The following PSG8 variants were observed in gnomAD, a reference collection of about 807,000 sequenced individuals.
PSG8 encodes pregnancy specific beta-1-glycoprotein 8.
PSG8 carries 57 observed loss-of-function variants against 42.5 expected under a neutral mutation model. The observed-to-expected ratio is 1.34, with a 90% CI of 1.08 to 1.67. The LOEUF is 1.67. PSG8 is among the 40% of genes most tolerant of loss of function. The pLI is 0.00. For synonymous variants in PSG8, 280 were observed against 196.8 expected, an observed-to-expected ratio of 1.42 and a Z score of -3.54; for missense variants, 783 against 518.6, an observed-to-expected ratio of 1.51 and a Z score of -4.95.
chr19:42,754,496 T>C lies in PSG8; in HGVS notation c.1080A>G (p.Pro360=), dbSNP rs1969863183. The C allele has an allele frequency of 1.2e-6, 2 of 1,613,634 alleles. No homozygotes were observed. The highest frequency in any genetic ancestry group is 1.7e-6 in the Non-Finnish European group (2 of 1,179,848). The stretch of plus-strand genomic sequence containing the variant: ...TAATTGTCCAAGAATACTGTGCCGG[T>C]GGGTTAGAGTCCGCAGAACAGGACA... ...LYLSCSADSN[P]PAQYSWTING... Residue 360 remains proline, a synonymous_variant, in exon 5 of 5, where the codon CCA becomes CCG. Transcript: ENST00000306511.
downstream of PSG8, chr19:42,753,418 T>A: frequency 1.3e-6 from 1 of 777,774 alleles, no homozygotes; most frequent in Non-Finnish European, 2.4e-6. Flanking sequence ...TGAACAGAGA[T>A]GCAATCTCAT....
Position 42,765,661 on chromosome 19 carries a change from G to A in PSG8, c.-80C>T. The A allele has an allele frequency of 6.4e-7, 1 of 1,563,996 alleles. No individual in the cohort carries two copies. Among genetic ancestry groups the A allele is most frequent in the Non-Finnish European group, 8.7e-7 (1 of 1,146,918 alleles). On this transcript the variant is annotated 5_prime_UTR_variant, in exon 1 of 5. Coordinates refer to ENST00000306511, the MANE Select transcript of PSG8 (RefSeq NM_182707.3). ...CTTCCTGAGCACAGCTCTCAGCAGT[G>A]CTGTCCTGCCTCCTTCTGCGCTGAG...
At chr19:42,754,835 C>A (rs996060344) in intron 4 of PSG8, 153 bp downstream of exon 4, 2 of 1,499,824 alleles carry the variant, frequency 1.3e-6, no homozygotes, top group East Asian at 2.3e-5. Flanking sequence ...CTGTGCCTAC[C>A]CAGGTTTTCC....
intron 2 of PSG8, among the ~76,000 whole-genome samples, chr19:42,759,946 AG>A (rs1970031466): frequency 6.6e-6 from 1 of 152,184 alleles, no homozygotes; most frequent in African/African-American, 2.4e-5. Context: ...TCCCGTTAAA[AG>A]GACCGAACTG....
rs79378816 is a variant in PSG8 at position 42,764,001 on chromosome 19, T to C, written c.345A>G (p.Glu115=). Residue 115 remains glutamate (E), a synonymous_variant, in exon 2 of 5, where the codon GAA becomes GAG. Coordinates refer to ENST00000306511, the MANE Select transcript of PSG8 (RefSeq NM_182707.3). ...ASLLIQNVTQ[E]DAGSYTLHII... ...TGTGTAAGGTGTAGGATCCTGCGTCTTCCTGGGTGACATTCTGGATCAGCA... is the reference window on the plus strand; with the variant it reads ...TGTGTAAGGTGTAGGATCCTGCGTCCTCCTGGGTGACATTCTGGATCAGCA... 5.6e-3 allele frequency: 9,008 copies of C among 1,612,122 alleles called. 438 individuals carry two copies. The African/African-American group carries it at 0.11, about 19-fold the overall frequency.
chr19:42,765,560 G>C lies in PSG8; in HGVS notation c.22C>G (p.Pro8Ala). The change falls in exon 1 of 5, where the codon CCC (proline) becomes GCC (alanine). Residue 8 changes from proline to alanine, a missense_variant. Pro to Ala is a conservative substitution (Grantham distance 27). Coordinates refer to ENST00000306511, the MANE Select transcript of PSG8 (RefSeq NM_182707.3). MGLLSAP[P>A]CTQRITWKGL... The stretch of plus-strand genomic sequence containing the variant: ...TTCCAGGTGATGCGCTGTGTGCAGG[G>C]AGGGGCTGAGAGGAGCCCCATGGTC... 4 of 1,611,160 alleles carry C rather than the reference G, an allele frequency of 2.5e-6. No homozygotes were observed. Among genetic ancestry groups the C allele is most frequent in the Non-Finnish European group, 3.4e-6 (4 of 1,178,092 alleles).
intron 2 of PSG8, chr19:42,758,738 C>T (rs1237125687): frequency 1.6e-5 from 3 of 186,662 alleles, no homozygotes; most frequent in African/African-American, 4.7e-5. Flanking sequence ...TTCCAATTGT[C>T]TTTAAACCCT....
chr19:42,757,967 G>A (rs1353175171), intron 3 of PSG8, 35 bp downstream of exon 3: 11 of 1,614,012 alleles, frequency 6.8e-6, no homozygotes, highest in Non-Finnish European at 7.6e-6. Flanking sequence ...ATTTGGGATG[G>A]CAGCCTGGCT....
intron 2 of PSG8, among the ~76,000 whole-genome samples, chr19:42,761,394 A>G (rs1384629951): frequency 1.3e-5 from 2 of 152,216 alleles, no homozygotes; most frequent in East Asian, 1.9e-4. Flanking sequence ...CACAGTTTCT[A>G]TAATCCCTGA....
At chr19:42,762,425 C>T (rs1267553275) in intron 2 of PSG8, among the ~76,000 whole-genome samples, 1 of 152,030 alleles carries the variant, frequency 6.6e-6, no homozygotes, top group African/African-American at 2.4e-5. Context: ...GGGGATGAAA[C>T]ATGGGTGTCA....
chr19:42,758,552 C>T, intron 2 of PSG8: 1 of 663,364 alleles, frequency 1.5e-6, no homozygotes, highest in Non-Finnish European at 2.3e-6. Flanking sequence ...CAGTCACAGC[C>T]CCTGTTGCCT....
At chr19:42,756,362 G>T (rs1340299508) in intron 3 of PSG8, among the ~76,000 whole-genome samples, 1 of 152,164 alleles carries the variant, frequency 6.6e-6, no homozygotes, top group Non-Finnish European at 1.5e-5. Context: ...TTTATGCAAG[G>T]TGGGGAGGTT....
Position 42,754,301 on chromosome 19 carries a change from C to T in PSG8, c.1275G>A (p.Gly425=). ...AAGGCCAGATAGACTCCACCTAAAT[C>T]CCTATTGCCAAGGATACTGGGATCC... ...GKRIPVSLAI[G]I Residue 425 remains glycine (G), a synonymous_variant, in exon 5 of 5, where the codon GGG becomes GGA. Coordinates refer to ENST00000306511, the MANE Select transcript of PSG8 (RefSeq NM_182707.3). 4 of 1,613,278 alleles carry T rather than the reference C, an allele frequency of 2.5e-6. No homozygotes were observed. The highest frequency in any genetic ancestry group is 2.2e-5 in the East Asian group (1 of 44,878).
rs1347225000 is a variant in PSG8, at chr19:42,763,731, G to T, written c.430+185C>A. 3 of 1,212,668 alleles carry T rather than the reference G, an allele frequency of 2.5e-6. No individual in the cohort carries two copies. The East Asian group carries it at 7.1e-5, about 29-fold the overall frequency. 75.1% of individuals were successfully genotyped at this position (1,212,668 alleles called of 1,614,324 possible). On this transcript the variant is annotated intron_variant, in intron 2 of 4. Coordinates refer to ENST00000306511, the MANE Select transcript of PSG8 (RefSeq NM_182707.3). ...GAGTGTCTGCAGGGTCTGGATGCGG[G>T]AAAGGAATTCTGATCTGTTGAAATT...
chr19:42,759,917 A>G (rs912430657), intron 2 of PSG8, among the ~76,000 whole-genome samples: 15 of 152,072 alleles, frequency 9.9e-5, no homozygotes, highest in Non-Finnish European at 1.5e-4. Context: ...GAAATTAGCA[A>G]CTCCTTAAGT....
chr19:42,755,488 C>T, intron 3 of PSG8: 2 of 1,002,594 alleles, frequency 2.0e-6, no homozygotes, highest in South Asian at 1.8e-5. Context: ...TCTCAAGTGT[C>T]AATTGAGCAG....
At chr19:42,753,231 G>C (rs1285149273), downstream of PSG8, 6 of 776,278 alleles carry the variant, frequency 7.7e-6, 1 homozygote, top group South Asian at 8.1e-5. Flanking sequence ...TCACCCTTCA[G>C]GTACAAGGGT....
chr19:42,760,821 C>T (rs1174870059), intron 2 of PSG8, among the ~76,000 whole-genome samples: 5 of 152,086 alleles, frequency 3.3e-5, no homozygotes, highest in African/African-American at 1.2e-4. Context: ...TGACCTTGTG[C>T]CCGCCTCGGC....
Position 42,764,458 on chromosome 19 carries a change from T to C in PSG8, c.65-177A>G, listed in dbSNP as rs114054318. ...CGGCATGTGTGTCTGTGTGTGTGTA[T>C]GTGTGTGTGTCCTACTATCCTACTA... On this transcript the variant is annotated intron_variant, in intron 1 of 4. Transcript: ENST00000306511. Among the ~76,000 whole-genome samples the C allele has an allele frequency of 3.7e-3, 567 of 151,944 alleles. 5 individuals carry two copies. Among genetic ancestry groups the C allele is most frequent in the African/African-American group, 0.013 (549 of 41,450 alleles).
Sources: gnomAD v4.1 joint callset for allele counts (sites outside exome capture counted in the v4.1 genomes callset) on GRCh38, gnomAD v4.1.1 for gene constraint, MANE v1.5 for transcripts, NCBI Gene and HGNC (gene_info 2026-07-23, HGNC 2026-07-21) for gene names.